NLGN3: variants seen among roughly 807,000 people sequenced by gnomAD.
NLGN3 encodes the protein neuroligin-3.
NLGN3 carries 11 observed loss-of-function variants against 42.9 expected under a neutral mutation model. The ratio of observed to expected loss-of-function variants is 0.26; its 90% CI spans 0.16 to 0.42. The LOEUF is 0.42. Ranked by LOEUF, NLGN3 falls within the 10% of genes least tolerant of loss-of-function variation. The pLI, the probability that NLGN3 is intolerant of heterozygous loss-of-function variation, is 1.00. For missense variants in NLGN3, 374 were observed against 733.8 expected (o/e 0.51, Z 5.67); for synonymous variants, 279 against 312.7 (o/e 0.89, Z 1.14).
At chrX:71,151,745 A>G (rs2092392207) in intron 3 of NLGN3, among the ~76,000 whole-genome samples, 1 of 112,436 alleles carries the variant, frequency 8.9e-6, no homozygotes, top group Admixed American at 9.4e-5. Flanking sequence ...GTCAGGGATG[A>G]TGGGAAATGA....
chrX:71,171,653 GT>G, downstream of NLGN3: 7 of 751,376 alleles, frequency 9.3e-6, no homozygotes, highest in Non-Finnish European at 1.1e-5. Context: ...TCTGAATCCA[GT>G]GCAGCGTCAG....
At chrX:71,150,584 T>C (rs1292948374) in intron 3 of NLGN3, among the ~76,000 whole-genome samples, 2 of 108,380 alleles carry the variant, frequency 1.8e-5, no homozygotes, top group African/African-American at 6.7e-5. Flanking sequence ...TGCCTGTAGT[T>C]CCGGCTACTC....
chrX:71,148,947 A>C, intron 3 of NLGN3, 42 bp downstream of exon 3: 1 of 844,033 alleles, frequency 1.2e-6, no homozygotes, highest in Non-Finnish European at 1.6e-6. Flanking sequence ...AGAGAGAGGG[A>C]GGGCTGCCTG....
chrX:71,150,076 C>G lies in NLGN3; in HGVS notation c.517+1171C>G, dbSNP rs371764073. Among the ~76,000 whole-genome samples the G allele has an allele frequency of 2.0e-4, 22 of 111,110 alleles. No individual in the cohort carries two copies. The East Asian group carries it at 3.7e-3, about 19-fold the overall frequency. ...GAAATCTATATGTTGAACATGAGCCCTGAGCGCTTCTAATGCACACCCGAG... is the reference window on the plus strand; with the variant it reads ...GAAATCTATATGTTGAACATGAGCCGTGAGCGCTTCTAATGCACACCCGAG... On this transcript the variant is annotated intron_variant, in intron 3 of 7. Transcript: ENST00000358741.
chrX:71,150,985 A>T (rs2092389388), intron 3 of NLGN3, among the ~76,000 whole-genome samples: 1 of 111,886 alleles, frequency 8.9e-6, no homozygotes, highest in Admixed American at 9.5e-5. Flanking sequence ...CTAAAGGCCT[A>T]ATCACTGCTC....
intron 5 of NLGN3, among the ~76,000 whole-genome samples, chrX:71,162,827 C>T (rs2092434804): frequency 8.9e-6 from 1 of 111,912 alleles, no homozygotes; most frequent in Admixed American, 9.5e-5. Context: ...TGGGAGTCTT[C>T]TCCAACATGG....
Position 71,170,135 on chromosome X carries a change from C to A in NLGN3, c.*38C>A, listed in dbSNP as rs1249238202. The A allele has an allele frequency of 8.3e-7, 1 of 1,203,060 alleles. No homozygotes were observed. ...GCACAGCCAATCTCCAGGCTCCCTC[C>A]CTCCCAGATCCAGGAACACATGCAC... is the stretch of plus-strand genomic sequence containing the variant. On this transcript the variant is annotated 3_prime_UTR_variant, in exon 8 of 8. Coordinates refer to ENST00000358741, the MANE Select transcript of NLGN3 (RefSeq NM_181303.2).
Position 71,148,247 on chromosome X carries a change from G to T in NLGN3, c.457+41G>T, listed in dbSNP as rs368578220. 448 of 1,051,389 alleles carry T rather than the reference G, an allele frequency of 4.3e-4. 2 individuals are homozygous for T. The highest frequency in any genetic ancestry group is 8.1e-5 in the Non-Finnish European group (61 of 751,480). The allele number at this position is 1,051,389 out of a possible 1,213,427, so 86.6% of individuals were successfully genotyped here. On this transcript the variant is annotated intron_variant, in intron 2 of 7. Coordinates refer to ENST00000358741, the MANE Select transcript of NLGN3 (RefSeq NM_181303.2). The stretch of plus-strand genomic sequence containing the variant: ...AGGCACTGTGCCCTCCCTGCCTCCC[G>T]CCTGCCCTGCTGTGTTTGTGGCTTG...
chrX:71,147,465 G>A (rs975757390), intron 1 of NLGN3, 85 bp from the exon 2 acceptor site: 25 of 414,722 alleles, frequency 6.0e-5, no homozygotes, highest in Non-Finnish European at 9.3e-5. Flanking sequence ...TAAGAGAATA[G>A]CCCAAGCCCA....
chrX:71,164,084 A>T, intron 5 of NLGN3, 59 bp from the exon 6 acceptor site: 1 of 1,127,165 alleles, frequency 8.9e-7, no homozygotes, highest in South Asian at 1.8e-5. Flanking sequence ...GCCTGCCGTC[A>T]TCACCCAAAT....
chrX:71,167,694 G>A lies in NLGN3; in HGVS notation c.1597G>A (p.Val533Ile). ...HGDEVPYVFGVPMVGPTDLFP... is the reference protein window; with the variant it reads ...HGDEVPYVFGIPMVGPTDLFP... ...GGATGAAGTACCCTATGTTTTTGGG[G>A]TTCCTATGGTAGGCCCCACTGACCT... is the stretch of plus-strand genomic sequence containing the variant. Residue 533 changes from valine (V) to isoleucine (I), a missense_variant, in exon 7 of 8, where the codon GTT becomes ATT. Coordinates refer to ENST00000358741, the MANE Select transcript of NLGN3 (RefSeq NM_181303.2). 1 of 1,211,354 alleles carries A rather than the reference G, an allele frequency of 8.3e-7. No individual in the cohort carries two copies. Among genetic ancestry groups the A allele is most frequent in the Non-Finnish European group, 1.1e-6 (1 of 895,330 alleles).
chrX:71,153,709 G>A (rs765551305), intron 4 of NLGN3, among the ~76,000 whole-genome samples, 173 bp downstream of exon 4: 3 of 111,758 alleles, frequency 2.7e-5, no homozygotes, highest in East Asian at 2.8e-4. Flanking sequence ...TGGGAGTTCC[G>A]GGGTGATGGA....
intron 5 of NLGN3, among the ~76,000 whole-genome samples, chrX:71,162,324 C>T (rs1352369299): frequency 9.0e-6 from 1 of 111,017 alleles, no homozygotes; most frequent in Non-Finnish European, 1.9e-5. Context: ...GGGACAGGGT[C>T]TTGCTACACT....
intron 6 of NLGN3, among the ~76,000 whole-genome samples, chrX:71,166,150 T>C (rs2092446276): frequency 9.1e-6 from 1 of 109,842 alleles, no homozygotes; most frequent in Non-Finnish European, 1.9e-5. Flanking sequence ...GAAGTATCGG[T>C]AGCTTCAGAT....
chrX:71,168,094 C>T (rs191901822), intron 7 of NLGN3, among the ~76,000 whole-genome samples: 1 of 111,423 alleles, frequency 9.0e-6, no homozygotes, highest in African/African-American at 3.3e-5. Context: ...GCTGTAATCC[C>T]AGCACTTTGG....
At chrX:71,148,242 C>A (rs760662324) in intron 2 of NLGN3, 36 bp downstream of exon 2, 1 of 1,071,098 alleles carries the variant, frequency 9.3e-7, no homozygotes, top group South Asian at 1.9e-5. Flanking sequence ...CCCTCCCTGC[C>A]TCCCGCCTGC....
In NLGN3 at chrX:71,147,693, T is replaced by C; in HGVS notation, c.-57T>C. ...GTGTGGCCATGAAGGGGCTGCCTAT[T>C]GGGCTGATGCTGTGACCCTGGAGTC... On this transcript the variant is annotated 5_prime_UTR_variant, in exon 2 of 8. Transcript: ENST00000358741. 9.5e-7 allele frequency: 1 copy of C among 1,050,533 alleles called. No homozygotes were observed. Among genetic ancestry groups the C allele is most frequent in the South Asian group, 2.0e-5 (1 of 51,019 alleles). The allele number at this position is 1,050,533 out of a possible 1,213,427, so 86.6% of individuals were successfully genotyped here.
chrX:71,149,507 T>C (rs1419935188), intron 3 of NLGN3, among the ~76,000 whole-genome samples: 11 of 111,917 alleles, frequency 9.8e-5, no homozygotes, highest in Non-Finnish European at 1.9e-4. Flanking sequence ...ATTTTAAATT[T>C]ACCCTCATGC....
chrX:71,163,349 T>A (rs1293959180), intron 5 of NLGN3, among the ~76,000 whole-genome samples: 1 of 111,946 alleles, frequency 8.9e-6, no homozygotes, highest in Non-Finnish European at 1.9e-5. Context: ...GGAGAGCTTG[T>A]TAAAAACACA....
Sources: gnomAD v4.1 joint callset for allele counts (sites outside exome capture counted in the v4.1 genomes callset) on GRCh38, gnomAD v4.1.1 for gene constraint, MANE v1.5 for transcripts, NCBI Gene and HGNC (gene_info 2026-07-23, HGNC 2026-07-21) for gene names.